RXRG: variants seen among roughly 807,000 people sequenced by gnomAD.
RXRG encodes the protein retinoic acid receptor RXR-gamma.
Under a neutral mutation model 49.2 loss-of-function variants are expected in RXRG, and 19 were observed. The ratio of observed to expected loss-of-function variants is 0.39; its 90% CI spans 0.27 to 0.57. RXRG has a LOEUF of 0.57. Among genes scored for constraint, RXRG ranks in the 20% least tolerant of loss-of-function variants. The pLI is 0.64. For missense variants in RXRG, 452 were observed against 592.5 expected (o/e 0.76, Z 2.46); for synonymous variants, 224 against 216.6 (o/e 1.03, Z -0.30).
At chr1:165,410,461 T>A (rs1657906930) in intron 6 of RXRG, among the ~76,000 whole-genome samples, 2 of 152,188 alleles carry the variant, frequency 1.3e-5, no homozygotes, top group Admixed American at 1.3e-4. Context: ...ATAAAATGAT[T>A]TAATAGTCTT....
chr1:165,425,050 C>T, intron 2 of RXRG: 1 of 641,762 alleles, frequency 1.6e-6, no homozygotes, highest in Non-Finnish European at 1.9e-6. Flanking sequence ...TTGGCCTCTG[C>T]ACACAGCCCA....
chr1:165,409,265 G>T (rs544808481), intron 7 of RXRG, among the ~76,000 whole-genome samples: 1 of 152,286 alleles, frequency 6.6e-6, no homozygotes, highest in South Asian at 2.1e-4. Flanking sequence ...TGGGAGAATA[G>T]GTTCTCCCAA....
intron 2 of RXRG, among the ~76,000 whole-genome samples, chr1:165,426,760 A>C (rs1169817314): frequency 6.6e-6 from 1 of 152,078 alleles, no homozygotes; most frequent in African/African-American, 2.4e-5. Flanking sequence ...ATATATTTTA[A>C]ATTTTATTAT....
chr1:165,410,388 A>G (rs1467325766), intron 6 of RXRG, among the ~76,000 whole-genome samples: 1 of 152,226 alleles, frequency 6.6e-6, no homozygotes, highest in African/African-American at 2.4e-5. Context: ...CACCTATGAA[A>G]TGGGAATACC....
chr1:165,417,009 G>A (rs41266640), intron 4 of RXRG, 32 bp downstream of exon 4: 173 of 1,588,780 alleles, frequency 1.1e-4, no homozygotes, highest in Middle Eastern at 1.8e-4. Context: ...GCCTCTCTCC[G>A]GACACGAGTT....
Position 165,409,605 on chromosome 1 carries a change from G to A in RXRG, c.999C>T (p.Val333=). ...CAGCACTGTGGGCACTGCTCCGGTG[G>A]ACATGTAAACCCGTGGCCAGAAGGA... is the stretch of plus-strand genomic sequence containing the variant. ...DGILLATGLH[V]HRSSAHSAGV... is the part of the protein sequence containing the mutation. The change falls in exon 7 of 10, where the codon GTC becomes GTT. Residue 333 remains valine (V), a synonymous_variant. Transcript: ENST00000359842. 2 of 1,572,788 alleles carry A rather than the reference G, an allele frequency of 1.3e-6. No homozygotes were observed. The highest frequency in any genetic ancestry group is 8.6e-7 in the Non-Finnish European group (1 of 1,160,648).
intron 3 of RXRG, among the ~76,000 whole-genome samples, chr1:165,418,434 G>A (rs1171494558): frequency 6.6e-6 from 1 of 152,196 alleles, no homozygotes; most frequent in Non-Finnish European, 1.5e-5. Context: ...AATATGTGAT[G>A]TCATTGAGTT....
At chr1:165,433,763 T>C (rs1402519952) in intron 1 of RXRG, among the ~76,000 whole-genome samples, 1 of 152,156 alleles carries the variant, frequency 6.6e-6, no homozygotes, top group Non-Finnish European at 1.5e-5. Flanking sequence ...TGGTCTGGAA[T>C]GGTCTGAGTC....
At chr1:165,439,192 G>T (rs185597008) in intron 1 of RXRG, among the ~76,000 whole-genome samples, 240 of 147,840 alleles carry the variant, frequency 1.6e-3, no homozygotes, top group Non-Finnish European at 2.0e-3. Flanking sequence ...TATAATGCTG[G>T]TAATAATGAG....
intron 9 of RXRG, among the ~76,000 whole-genome samples, chr1:165,403,445 C>T (rs2101700231): frequency 6.6e-6 from 1 of 152,298 alleles, no homozygotes; most frequent in South Asian, 2.1e-4. Flanking sequence ...TATATTTCTA[C>T]ACTTATGCCA....
intron 1 of RXRG, among the ~76,000 whole-genome samples, chr1:165,442,286 G>A (rs996929014): frequency 1.3e-5 from 2 of 152,148 alleles, no homozygotes; most frequent in East Asian, 1.9e-4. Flanking sequence ...CTGCAGACGG[G>A]GGCAGAGTCC....
intron 2 of RXRG, among the ~76,000 whole-genome samples, chr1:165,428,150 ACTT>A (rs1287289884): frequency 2.0e-5 from 3 of 152,192 alleles, no homozygotes; most frequent in Non-Finnish European, 2.9e-5. Context: ...CCATGCACAT[ACTT>A]CTTCTCCTCC....
intron 1 of RXRG, among the ~76,000 whole-genome samples, chr1:165,440,739 C>T (rs941564739): frequency 6.6e-6 from 1 of 152,260 alleles, no homozygotes; most frequent in African/African-American, 2.4e-5. Context: ...ACACCAGCTT[C>T]CTCTGGGAGC....
In RXRG at chr1:165,409,583, C is replaced by G. The variant is rs1235667400; in HGVS notation, c.1021G>C (p.Ala341Pro). 1.3e-6 allele frequency: 2 copies of G among 1,544,454 alleles called. No individual in the cohort carries two copies. ...CTGTCAAAGATGGAGCCGACCCCAG[C>G]ACTGTGGGCACTGCTCCGGTGGACA... ...LHVHRSSAHS[A>P]GVGSIFDRVL... The change falls in exon 7 of 10, where the codon GCT (alanine) becomes CCT (proline). Residue 341 changes from alanine (A) to proline (P), a missense_variant. Around this residue, in one of 2 missense-constraint regions of RXRG, gnomAD observed 286 missense variants for 440.9 expected, o/e 0.65. Transcript: ENST00000359842.
intron 4 of RXRG, among the ~76,000 whole-genome samples, chr1:165,415,971 GT>G (rs1451225318): frequency 6.6e-6 from 1 of 152,144 alleles, no homozygotes; most frequent in Non-Finnish European, 1.5e-5. Context: ...CTGGCGGATG[GT>G]TACAGTTGAT....
chr1:165,406,826 C>G lies in RXRG; in HGVS notation c.1230G>C (p.Pro410=), dbSNP rs151269614. 31 of 1,613,402 alleles carry G rather than the reference C, an allele frequency of 1.9e-5. No individual in the cohort carries two copies. The South Asian group carries it at 2.9e-4, about 15-fold the overall frequency. ...CACTGTCTCACCTGCCTGGCTGTTC[C>G]GGATACTTCTGCTTGGTGTAGGCCT... ...TLEAYTKQKY[P]EQPGRFAKLL... is the part of the protein sequence containing the mutation. Residue 410 remains proline, a synonymous_variant, in exon 9 of 10, where the codon CCG becomes CCC. Transcript: ENST00000359842.
chr1:165,437,114 C>T (rs1419478577), intron 1 of RXRG: 6 of 1,363,420 alleles, frequency 4.4e-6, no homozygotes, highest in Non-Finnish European at 4.9e-6. Flanking sequence ...GGGGAAGCAG[C>T]CTCCTGGAGG....
intron 2 of RXRG, among the ~76,000 whole-genome samples, chr1:165,426,898 G>A (rs1184156028): frequency 7.9e-5 from 12 of 152,164 alleles, no homozygotes; most frequent in Admixed American, 7.2e-4. Context: ...CCCAGGAAGA[G>A]CAAATGCTTC....
In RXRG at chr1:165,437,126, T is replaced by C. The variant is rs745570469; in HGVS notation, c.49+7719A>G. On this transcript the variant is annotated intron_variant, in intron 1 of 9. Transcript: ENST00000359842. ...CATGGGGAAGCAGCCTCCTGGAGGG[T>C]TCAGGGCTCACAGTATCTGTTTTCA... The C allele has an allele frequency of 2.2e-6, 3 of 1,367,588 alleles. No homozygotes were observed. The Admixed American group carries it at 5.7e-5, about 26-fold the overall frequency. 84.7% of individuals were successfully genotyped at this position (1,367,588 alleles called of 1,614,324 possible).
Sources: allele counts gnomAD v4.1 joint callset (sites outside exome capture counted in the v4.1 genomes callset), GRCh38; gene constraint gnomAD v4.1.1; regional missense constraint gnomAD v4.1.1; transcripts MANE v1.5; gene names NCBI Gene and HGNC (gene_info 2026-07-23, HGNC 2026-07-21).